DOC2B: variants seen among roughly 807,000 people sequenced by gnomAD.
DOC2B encodes double C2-like domain-containing protein beta.
DOC2B carries 21 observed loss-of-function variants against 28.9 expected under a neutral mutation model. The observed-to-expected ratio is 0.73, with a 90% CI of 0.52 to 1.05. The LOEUF (loss-of-function observed/expected upper bound fraction) is 1.05, where lower values mean the gene tolerates loss of function less well. DOC2B is among the 50% of genes least tolerant of loss of function. The probability of loss-of-function intolerance (pLI) is 0.00; values close to 1 mark genes in which losing one functional copy is unlikely to be tolerated. For synonymous variants in DOC2B, 194 were observed against 178.1 expected (o/e 1.09, Z -0.71); for missense variants, 384 against 421.1 (o/e 0.91, Z 0.77).
intron 2 of DOC2B, among the ~76,000 whole-genome samples, chr17:165,437 G>A (rs928898474): frequency 1.7e-4 from 26 of 148,682 alleles, no homozygotes; most frequent in Non-Finnish European, 2.8e-4. Flanking sequence ...AACCATGATC[G>A]CACCACTGCA....
intron 1 of DOC2B, 150 bp from the exon 2 acceptor site, chr17:172,766 T>A (rs1373658183): frequency 5.2e-6 from 3 of 582,466 alleles, no homozygotes; most frequent in Middle Eastern, 4.7e-4. Context: ...TGCCAGCCCC[T>A]CACCCATCCT....
chr17:155,813 G>A (rs1361127671), intron 6 of DOC2B, among the ~76,000 whole-genome samples: 1 of 152,214 alleles, frequency 6.6e-6, no homozygotes, highest in Non-Finnish European at 1.5e-5. Context: ...TTATAGGGCT[G>A]GGCAAATGTG....
intron 2 of DOC2B, among the ~76,000 whole-genome samples, chr17:165,218 A>G (rs1555523747): frequency 6.6e-6 from 1 of 152,082 alleles, no homozygotes; most frequent in Non-Finnish European, 1.5e-5. Context: ...ATCATCTGTT[A>G]AAGGGGTTGG....
At chr17:180,479 G>C (rs1189315604) in intron 1 of DOC2B, among the ~76,000 whole-genome samples, 1 of 152,260 alleles carries the variant, frequency 6.6e-6, no homozygotes, top group Non-Finnish European at 1.5e-5. Flanking sequence ...GGGCTGCGGC[G>C]GGGTCCATGG....
intron 3 of DOC2B, among the ~76,000 whole-genome samples, chr17:162,603 G>A (rs979506979): frequency 2.6e-5 from 4 of 152,168 alleles, no homozygotes; most frequent in African/African-American, 9.7e-5. Context: ...CAGCCTTGCC[G>A]ACACCTTGAT....
intron 1 of DOC2B, among the ~76,000 whole-genome samples, chr17:178,494 G>T (rs892050294): frequency 6.6e-6 from 1 of 152,246 alleles, no homozygotes; most frequent in Non-Finnish European, 1.5e-5. Flanking sequence ...TAGGGGCAGC[G>T]TGTGGGGTGT....
chr17:153,840 T>A (rs1286008659), intron 6 of DOC2B, among the ~76,000 whole-genome samples: 1 of 152,050 alleles, frequency 6.6e-6, no homozygotes, highest in Non-Finnish European at 1.5e-5. Flanking sequence ...GTGTGTGTCG[T>A]TTGTTGTGTT....
rs146254283 is a variant in DOC2B, at chr17:172,081, C to T, written c.453+456G>A. Among the ~76,000 whole-genome samples the T allele has an allele frequency of 1.6e-3, 250 of 152,206 alleles. 3 individuals are homozygous for T. The highest frequency in any genetic ancestry group is 4.2e-3 in the Admixed American group (64 of 15,306). On this transcript the variant is annotated intron_variant, in intron 2 of 8. Transcript: ENST00000613549. Reference sequence around the variant, plus strand: ...GCTCAGAGGGCCTCTGGGCTCAGGCCGTGGACACCCTGCCTGGAGTGGCAT... The same window carrying T: ...GCTCAGAGGGCCTCTGGGCTCAGGCTGTGGACACCCTGCCTGGAGTGGCAT...
In DOC2B at chr17:143,320, T is replaced by G; in HGVS notation, c.*4121A>C. On this transcript the variant is annotated 3_prime_UTR_variant, in exon 9 of 9. Transcript: ENST00000613549. ...CCTCCGTCTTTCCACCCTCCCCTCCTACCCTTCCAAATCTTTTTTTTTTTT... is the reference window on the plus strand; with the variant it reads ...CCTCCGTCTTTCCACCCTCCCCTCCGACCCTTCCAAATCTTTTTTTTTTTT... The G allele has an allele frequency of 7.1e-6, 1 of 141,696 alleles. No homozygotes were observed. The highest frequency in any genetic ancestry group is 2.1e-4 in the East Asian group (1 of 4,760). 8.8% of individuals were successfully genotyped at this position (141,696 alleles called of 1,614,324 possible). A position where few individuals can be genotyped will look rare whatever the true frequency, so the allele number is the denominator to read the frequency against.
intron 5 of DOC2B, among the ~76,000 whole-genome samples, chr17:158,307 A>C (rs2040160065): frequency 6.6e-6 from 1 of 151,534 alleles, no homozygotes; most frequent in African/African-American, 2.4e-5. Context: ...ACACACGCCC[A>C]GCTTGAGCCC....
At chr17:148,746 C>T (rs1026692629) in intron 7 of DOC2B, among the ~76,000 whole-genome samples, 157 of 152,258 alleles carry the variant, frequency 1.0e-3, no homozygotes, top group African/African-American at 3.5e-3. Context: ...GGGGGGAATC[C>T]GCATTTCCAG....
intron 6 of DOC2B, among the ~76,000 whole-genome samples, chr17:155,723 T>C (rs939729988): frequency 9.9e-5 from 15 of 152,260 alleles, no homozygotes; most frequent in African/African-American, 3.4e-4. Flanking sequence ...CATGGCCCCC[T>C]GAGTTAGTGT....
chr17:156,464 C>A, intron 5 of DOC2B, 87 bp from the exon 6 acceptor site: 1 of 1,459,042 alleles, frequency 6.9e-7, no homozygotes, highest in Non-Finnish European at 9.2e-7. Flanking sequence ...GCCCGCCCAT[C>A]CGGCTGCTGC....
intron 5 of DOC2B, among the ~76,000 whole-genome samples, chr17:160,605 C>T (rs1006620000): frequency 5.9e-5 from 9 of 152,160 alleles, no homozygotes; most frequent in East Asian, 1.9e-4. Context: ...ACCATGCCTC[C>T]GCCTGTGTCC....
At position 172,633 on chromosome 17, in the gene DOC2B, G is replaced by A; in HGVS notation, c.374-17C>T. 1 of 1,545,612 alleles carries A rather than the reference G, an allele frequency of 6.5e-7. No individual in the cohort carries two copies. The highest frequency in any genetic ancestry group is 8.7e-7 in the Non-Finnish European group (1 of 1,143,282). ...CCAGGGCAGCTGCGGACAGAGGAGG[G>A]CACAGGTCCCACCCTGGCCGCATCT... is the stretch of plus-strand genomic sequence containing the variant. On this transcript the variant is annotated splice_polypyrimidine_tract_variant and intron_variant, in intron 1 of 8. Transcript: ENST00000613549.
intron 1 of DOC2B, among the ~76,000 whole-genome samples, chr17:174,524 A>G (rs138148232): frequency 1.9e-4 from 29 of 152,314 alleles, no homozygotes; most frequent in African/African-American, 6.7e-4. Context: ...AGAACATACA[A>G]ATAGTCACTT....
chr17:176,610 G>C (rs557306618), intron 1 of DOC2B, among the ~76,000 whole-genome samples: 7 of 152,234 alleles, frequency 4.6e-5, no homozygotes, highest in African/African-American at 1.4e-4. Context: ...AAGCAGAGTT[G>C]CTCTAGGGGA....
chr17:159,822 ACT>A (rs2040178883), intron 5 of DOC2B, among the ~76,000 whole-genome samples: 1 of 151,746 alleles, frequency 6.6e-6, no homozygotes, highest in African/African-American at 2.4e-5. Flanking sequence ...GGACACACAC[ACT>A]GTCGCACACA....
intron 6 of DOC2B, among the ~76,000 whole-genome samples, chr17:154,441 G>A (rs917083252): frequency 1.3e-5 from 2 of 148,934 alleles, no homozygotes; most frequent in Non-Finnish European, 3.0e-5. Flanking sequence ...GATATTCCAC[G>A]CACCTGCTAC....
Sources: gnomAD v4.1 joint callset for allele counts (sites outside exome capture counted in the v4.1 genomes callset) on GRCh38, gnomAD v4.1.1 for gene constraint, MANE v1.5 for transcripts, NCBI Gene and HGNC (gene_info 2026-07-23, HGNC 2026-07-21) for gene names.